The following C1RL variants were observed in gnomAD, a reference collection of about 807,000 sequenced individuals.
The protein encoded by C1RL is complement C1r subcomponent like.
In C1RL, 27 loss-of-function variants were observed where a neutral mutation model predicts 27.9. The ratio of observed to expected loss-of-function variants is 0.97; its 90% CI spans 0.71 to 1.33. The LOEUF (loss-of-function observed/expected upper bound fraction) is 1.33, where lower values mean the gene tolerates loss of function less well. Ranked by LOEUF, C1RL falls within the 40% of genes most tolerant of loss-of-function variation. The probability of loss-of-function intolerance (pLI) is 0.00; values close to 1 mark genes in which losing one functional copy is unlikely to be tolerated. For missense variants in C1RL, 563 were observed against 623.9 expected (o/e 0.90, Z 1.04); for synonymous variants, 248 against 252.1 (o/e 0.98, Z 0.15).
At position 7,096,280 on chromosome 12, in the gene C1RL, T is replaced by TGGC; in HGVS notation, c.*110_*111insGCC. 2.2e-5 allele frequency: 22 copies of TGGC among 992,306 alleles called. No individual in the cohort carries two copies. Among genetic ancestry groups the TGGC allele is most frequent in the African/African-American group, 2.4e-5 (1 of 40,970 alleles). 61.5% of individuals were successfully genotyped at this position (992,306 alleles called of 1,614,324 possible). On this transcript the variant is annotated 3_prime_UTR_variant, in exon 6 of 6. Transcript: ENST00000266542. ...GTGATGTGAATAGGATTTCCCTGCC[T>TGGC]CCCCCAACCCCCCACCCCCAACCCC...
In C1RL at chr12:7,095,773, GT is replaced by G. The variant is rs1938407601; in HGVS notation, c.*617del. ...AAGTCCCTTTATCCCCTGAGCCTCA[GT>G]TTCCTCATTTGTCACACATAGATAA... is the stretch of plus-strand genomic sequence containing the variant. On this transcript the variant is annotated 3_prime_UTR_variant, in exon 6 of 6. Transcript: ENST00000266542. 1.3e-6 allele frequency: 1 copy of G among 763,364 alleles called. No homozygotes were observed. Among genetic ancestry groups the G allele is most frequent in the African/African-American group, 1.9e-5 (1 of 52,636 alleles). The allele number at this position is 763,364 out of a possible 1,614,324, so 47.3% of individuals were successfully genotyped here. A position where few individuals can be genotyped will look rare whatever the true frequency, so the allele number is the denominator to read the frequency against.
rs1390444866 is a variant in C1RL at position 7,108,645 on chromosome 12, C to T, written c.72-166G>A. 5.0e-6 allele frequency: 3 copies of T among 597,828 alleles called. No individual in the cohort carries two copies. The Admixed American group carries it at 9.2e-5, about 18-fold the overall frequency. 37.0% of individuals were successfully genotyped at this position (597,828 alleles called of 1,614,324 possible). ...CGGGCACTTCCCGTCTCCTCCCTTGCTCCCCTTCCTCACCCCAATCCCTAC... is the reference window on the plus strand; with the variant it reads ...CGGGCACTTCCCGTCTCCTCCCTTGTTCCCCTTCCTCACCCCAATCCCTAC... On this transcript the variant is annotated intron_variant, in intron 1 of 5. Coordinates refer to ENST00000266542, the MANE Select transcript of C1RL (RefSeq NM_016546.4).
intron 2 of C1RL, among the ~76,000 whole-genome samples, chr12:7,105,464 T>G (rs1156507469): frequency 6.6e-6 from 1 of 152,170 alleles, no homozygotes; most frequent in Non-Finnish European, 1.5e-5. Context: ...GAGACGGGGT[T>G]TCACCATGTT....
rs2135750041 is a variant in C1RL at position 7,095,213 on chromosome 12, T to A, written c.*1178A>T. On this transcript the variant is annotated 3_prime_UTR_variant, in exon 6 of 6. Transcript: ENST00000266542. Reference sequence around the variant, plus strand: ...TCACTGCAACCTCCGCCTCCCAGGTTCAAGTGATTCTCCTGCCTCAGCCTC... The same window carrying A: ...TCACTGCAACCTCCGCCTCCCAGGTACAAGTGATTCTCCTGCCTCAGCCTC... 2 of 908,006 alleles carry A rather than the reference T, an allele frequency of 2.2e-6. No homozygotes were observed. Among genetic ancestry groups the A allele is most frequent in the Middle Eastern group, 4.8e-4 (1 of 2,070 alleles). 56.2% of individuals were successfully genotyped at this position (908,006 alleles called of 1,614,324 possible).
At chr12:7,101,793 C>A (rs775889493) in intron 3 of C1RL, 105 bp downstream of exon 3, 30 of 1,242,284 alleles carry the variant, frequency 2.4e-5, no homozygotes, top group Non-Finnish European at 3.3e-5. Context: ...GTCCCTGAGT[C>A]CCCAGCCTCA....
At position 7,102,073 on chromosome 12, in the gene C1RL, AC is replaced by A; in HGVS notation, c.314del (p.Gly105ValfsTer33). 1 of 1,606,328 alleles carries A rather than the reference AC, an allele frequency of 6.2e-7. No individual in the cohort carries two copies. The highest frequency in any genetic ancestry group is 8.5e-7 in the Non-Finnish European group (1 of 1,173,466). ...AGDSVTISFV[G>X]SDPSQFCGQQ... ...GACCACAGAACTGGCTTGGATCCGA[AC>A]CGACGAATGAGATCTGAAAGCGGGA... On this transcript the variant is annotated frameshift_variant, in exon 3 of 6. Transcript: ENST00000266542. LOFTEE classifies it high-confidence loss of function.
chr12:7,097,314 C>G (rs1222400704), intron 5 of C1RL, 151 bp from the exon 6 acceptor site: 6 of 692,176 alleles, frequency 8.7e-6, no homozygotes, highest in Non-Finnish European at 1.4e-5. Context: ...TCGAGTTTCG[C>G]TCTTGTTGCC....
intron 2 of C1RL, 38 bp downstream of exon 2, chr12:7,108,213 C>T: frequency 6.7e-7 from 1 of 1,497,910 alleles, no homozygotes; most frequent in South Asian, 1.2e-5. Context: ...ATCTCCCTGG[C>T]CACAGTCCTG....
rs201944430 is a variant in C1RL, at chr12:7,098,112, C to CAA, written c.692-951_692-950dup. 1.9e-4 allele frequency among the ~76,000 whole-genome samples: 28 copies of CAA among 151,326 alleles called. No homozygotes were observed. In the East Asian group the frequency reaches 1.9e-3, roughly 11 times the overall value. On this transcript the variant is annotated intron_variant, in intron 5 of 5. Coordinates refer to ENST00000266542, the MANE Select transcript of C1RL (RefSeq NM_016546.4). ...GAAACCCCGTCTCTACTAAAAAATA[C>CAA]AAAAAAAAATTAGCCGGCCGTGGTG...
chr12:7,102,096 G>A lies in C1RL; in HGVS notation c.301-9C>T, dbSNP rs778113398. On this transcript the variant is annotated splice_polypyrimidine_tract_variant and intron_variant, in intron 2 of 5. Transcript: ENST00000266542. ...GAACCGACGAATGAGATCTGAAAGC[G>A]GGAGGAGGAGTGAGGCTGCAGATAG... The A allele has an allele frequency of 1.3e-5, 21 of 1,599,580 alleles. No individual in the cohort carries two copies. The African/African-American group carries it at 2.0e-4, about 15-fold the overall frequency.
At chr12:7,102,513 A>T (rs1276660140) in intron 2 of C1RL, among the ~76,000 whole-genome samples, 2 of 152,166 alleles carry the variant, frequency 1.3e-5, no homozygotes, top group Non-Finnish European at 2.9e-5. Context: ...ACATGGGCAT[A>T]AGCCCCTCCC....
intron 2 of C1RL, among the ~76,000 whole-genome samples, chr12:7,106,903 T>C (rs979722090): frequency 1.3e-5 from 2 of 152,190 alleles, no homozygotes; most frequent in African/African-American, 4.8e-5. Context: ...AATGATAATA[T>C]AGGTAAACTG....
In C1RL at chr12:7,095,132, G is replaced by C. The variant is rs59375850; in HGVS notation, c.*1259C>G. ...AATCACCTCCAATCTTTTTTTTTTGGGGGGGATGAAGTCTTGGTCTGTCCG... is the reference window on the plus strand; with the variant it reads ...AATCACCTCCAATCTTTTTTTTTTGCGGGGGATGAAGTCTTGGTCTGTCCG... On this transcript the variant is annotated 3_prime_UTR_variant, in exon 6 of 6. Transcript: ENST00000266542. The C allele has an allele frequency of 0.035, 43,170 of 1,229,886 alleles. 903 individuals carry two copies. The highest frequency in any genetic ancestry group is 0.067 in the Middle Eastern group (189 of 2,818). 76.2% of individuals were successfully genotyped at this position (1,229,886 alleles called of 1,614,324 possible).
chr12:7,105,541 A>T (rs970113822), intron 2 of C1RL, among the ~76,000 whole-genome samples: 2 of 152,170 alleles, frequency 1.3e-5, no homozygotes, highest in African/African-American at 4.8e-5. Flanking sequence ...AAGTGCTGGG[A>T]TTACAGATGT....
intron 2 of C1RL, among the ~76,000 whole-genome samples, chr12:7,102,658 C>G (rs933991981): frequency 6.6e-6 from 1 of 152,286 alleles, no homozygotes; most frequent in African/African-American, 2.4e-5. Flanking sequence ...CCTTTTCCTG[C>G]TTTCCTTCTT....
chr12:7,099,865 T>A, intron 4 of C1RL, 36 bp downstream of exon 4: 2 of 1,612,902 alleles, frequency 1.2e-6, no homozygotes, highest in Non-Finnish European at 8.5e-7. Flanking sequence ...GGGAATGAGG[T>A]GGATGGAAGC....
chr12:7,107,574 T>C (rs1163163697), intron 2 of C1RL, among the ~76,000 whole-genome samples: 1 of 152,212 alleles, frequency 6.6e-6, no homozygotes, highest in Non-Finnish European at 1.5e-5. Flanking sequence ...TTATGTCATT[T>C]TGATATAAAT....
In C1RL at chr12:7,095,954, C is replaced by G. The variant is rs748424819; in HGVS notation, c.*437G>C. ...AATATTTGAAGGTCAACTAAAGGGT[C>G]TTAGGAATGTTTCAGAAATGCAATG... is the stretch of plus-strand genomic sequence containing the variant. On this transcript the variant is annotated 3_prime_UTR_variant, in exon 6 of 6. Transcript: ENST00000266542. 61 of 992,630 alleles carry G rather than the reference C, an allele frequency of 6.1e-5. No homozygotes were observed. The highest frequency in any genetic ancestry group is 6.9e-5 in the Non-Finnish European group (58 of 835,416). 61.5% of individuals were successfully genotyped at this position (992,630 alleles called of 1,614,324 possible).
At chr12:7,101,058 GTGCA>G (rs1186288654) in intron 3 of C1RL, among the ~76,000 whole-genome samples, 1 of 133,648 alleles carries the variant, frequency 7.5e-6, no homozygotes, top group Non-Finnish European at 1.6e-5. Context: ...ATTTTATCAT[GTGCA>G]CCCTTCCTTC....
Sources: allele counts gnomAD v4.1 joint callset (sites outside exome capture counted in the v4.1 genomes callset), GRCh38; gene constraint gnomAD v4.1.1; transcripts MANE v1.5; gene names NCBI Gene and HGNC (gene_info 2026-07-23, HGNC 2026-07-21).